The following LSAMP variants were observed in gnomAD, a reference collection of about 807,000 sequenced individuals.
The protein encoded by LSAMP is limbic system-associated membrane protein.
A neutral mutation model predicts 38.6 loss-of-function variants in LSAMP; 7 were observed. The observed-to-expected ratio is 0.18, with a 90% CI of 0.10 to 0.34. The LOEUF (loss-of-function observed/expected upper bound fraction) is 0.34. LSAMP is among the 10% of genes least tolerant of loss of function. The pLI is 1.00. For synonymous variants in LSAMP, 154 were observed against 166.8 expected, an observed-to-expected ratio of 0.92 and a Z score of 0.59; for missense variants, 313 against 420.0, an observed-to-expected ratio of 0.75 and a Z score of 2.23.
intron 1 of LSAMP, among the ~76,000 whole-genome samples, chr3:116,210,685 A>G (rs1319187081): frequency 6.6e-6 from 1 of 152,214 alleles, no homozygotes. Context: ...TCATATATAC[A>G]TATATCCTAT....
At chr3:116,217,240 T>A (rs1165019790) in intron 1 of LSAMP, among the ~76,000 whole-genome samples, 2 of 152,138 alleles carry the variant, frequency 1.3e-5, no homozygotes, top group Non-Finnish European at 2.9e-5. Context: ...TTATGGCGTT[T>A]TCATCACCAA....
chr3:115,812,321 C>T (rs1277074363), intron 6 of LSAMP, among the ~76,000 whole-genome samples: 1 of 152,066 alleles, frequency 6.6e-6, no homozygotes, highest in African/African-American at 2.4e-5. Flanking sequence ...ACAAAAGGCA[C>T]CTTAGCTACC....
chr3:115,928,366 G>T (rs1450785157), intron 3 of LSAMP, among the ~76,000 whole-genome samples: 5 of 152,160 alleles, frequency 3.3e-5, no homozygotes, highest in Non-Finnish European at 7.3e-5. Flanking sequence ...GGCGGCAAAA[G>T]TAAAAGAAGA....
intron 1 of LSAMP, among the ~76,000 whole-genome samples, chr3:116,423,224 A>G (rs1309564016): frequency 6.6e-6 from 1 of 152,154 alleles, no homozygotes; most frequent in East Asian, 1.9e-4. Flanking sequence ...TAAGAGGGGA[A>G]AAAAAACTTG....
At chr3:116,237,253 C>T (rs1026025796) in intron 1 of LSAMP, among the ~76,000 whole-genome samples, 1 of 152,024 alleles carries the variant, frequency 6.6e-6, no homozygotes, top group South Asian at 2.1e-4. Flanking sequence ...ACATGTAAAC[C>T]CTATAAGTAC....
chr3:116,208,597 A>G (rs1006922186), intron 1 of LSAMP, among the ~76,000 whole-genome samples: 46 of 152,110 alleles, frequency 3.0e-4, no homozygotes, highest in Non-Finnish European at 4.6e-4. Context: ...TGTCCTTTCT[A>G]TTTGTTAGTT....
At chr3:116,060,763 A>G (rs925964810) in intron 2 of LSAMP, among the ~76,000 whole-genome samples, 1 of 152,174 alleles carries the variant, frequency 6.6e-6, no homozygotes, top group Non-Finnish European at 1.5e-5. Flanking sequence ...TCCATCTCAA[A>G]AAACAAACAA....
chr3:116,318,335 G>A lies in LSAMP; in HGVS notation c.155+126542C>T, dbSNP rs193146182. Among the ~76,000 whole-genome samples the A allele has an allele frequency of 7.4e-4, 112 of 152,252 alleles. 1 individual carries two copies. The highest frequency in any genetic ancestry group is 3.4e-3 in the Middle Eastern group (1 of 294). ...AAGATTTCACAGTAAGTCACAGAGA[G>A]ATGTAGCAGCTAGTGTGCTCCAGTT... On this transcript the variant is annotated intron_variant, in intron 1 of 6. Transcript: ENST00000490035.
At chr3:115,910,066 A>G (rs1937100989) in intron 3 of LSAMP, among the ~76,000 whole-genome samples, 2 of 152,106 alleles carry the variant, frequency 1.3e-5, no homozygotes, top group Non-Finnish European at 2.9e-5. Context: ...TTCTCATTTG[A>G]TCATTATATT....
In LSAMP at chr3:116,415,343, G is replaced by C. The variant is rs114230990; in HGVS notation, c.155+29534C>G. 4.4e-3 allele frequency among the ~76,000 whole-genome samples: 667 copies of C among 152,192 alleles called. 5 individuals are homozygous for C. The highest frequency in any genetic ancestry group is 0.015 in the African/African-American group (632 of 41,520). ...AAAATGGTTGCCGGACAAGGTAAAG[G>C]TAAGTATTTCAGGCTTCACAACATT... is the stretch of plus-strand genomic sequence containing the variant. On this transcript the variant is annotated intron_variant, in intron 1 of 6. Transcript: ENST00000490035.
intron 1 of LSAMP, among the ~76,000 whole-genome samples, chr3:116,116,071 C>T (rs1375790586): frequency 1.3e-5 from 2 of 149,446 alleles, no homozygotes; most frequent in Admixed American, 6.7e-5. Flanking sequence ...GATGGTAGAC[C>T]TCCTGGACTG....
intron 3 of LSAMP, among the ~76,000 whole-genome samples, chr3:115,998,378 G>T (rs1402843831): frequency 4.6e-5 from 7 of 152,046 alleles, no homozygotes; most frequent in Non-Finnish European, 1.0e-4. Context: ...TATACCAGTG[G>T]GTGGATTGCT....
intron 3 of LSAMP, among the ~76,000 whole-genome samples, chr3:115,890,664 G>A (rs993325778): frequency 6.6e-6 from 1 of 151,542 alleles, no homozygotes; most frequent in Non-Finnish European, 1.5e-5. Flanking sequence ...TTTTTCCCAG[G>A]AAACAAAACA....
chr3:115,831,589 A>G (rs545063803), intron 6 of LSAMP, among the ~76,000 whole-genome samples: 1 of 152,310 alleles, frequency 6.6e-6, no homozygotes, highest in South Asian at 2.1e-4. Flanking sequence ...CTCAGTACCC[A>G]GAAACCTCAG....
intron 1 of LSAMP, among the ~76,000 whole-genome samples, chr3:116,310,976 A>G (rs2047551116): frequency 6.6e-6 from 1 of 150,998 alleles, no homozygotes; most frequent in African/African-American, 2.4e-5. Flanking sequence ...TTACCAGACT[A>G]GGTTACCTGA....
intron 1 of LSAMP, among the ~76,000 whole-genome samples, chr3:116,112,654 G>C (rs969855492): frequency 6.6e-6 from 1 of 152,268 alleles, no homozygotes; most frequent in African/African-American, 2.4e-5. Flanking sequence ...ATTGGAAAGA[G>C]TGGATCTGGT....
chr3:116,004,425 T>G (rs1300603861), intron 3 of LSAMP, among the ~76,000 whole-genome samples: 1 of 151,306 alleles, frequency 6.6e-6, no homozygotes, highest in African/African-American at 2.4e-5. Flanking sequence ...TATATACACA[T>G]ATACATATAT....
At position 116,074,844 on chromosome 3, in the gene LSAMP, C is replaced by CTTTTTTTTTT. The variant is rs1161460100; in HGVS notation, c.388+11470_388+11479dup. ...AAAGTTTAGTCATATTTTCTTTATT[C>CTTTTTTTTTT]TTTTTTTTTTTTTTTTTGAGATGAG... On this transcript the variant is annotated intron_variant, in intron 2 of 6. Transcript: ENST00000490035. 7.0e-3 allele frequency among the ~76,000 whole-genome samples: 893 copies of CTTTTTTTTTT among 128,206 alleles called. 43 individuals carry two copies. Among genetic ancestry groups the CTTTTTTTTTT allele is most frequent in the African/African-American group, 0.027 (858 of 32,194 alleles). The allele number at this position is 128,206 out of a possible 152,430, so 84.1% of individuals were successfully genotyped here.
intron 1 of LSAMP, among the ~76,000 whole-genome samples, chr3:116,432,400 A>C (rs1276615783): frequency 6.6e-6 from 1 of 151,836 alleles, no homozygotes; most frequent in Non-Finnish European, 1.5e-5. Context: ...TAGATTAAAT[A>C]TATTCATGAT....
Sources: allele counts gnomAD v4.1 joint callset (sites outside exome capture counted in the v4.1 genomes callset), GRCh38; gene constraint gnomAD v4.1.1; transcripts MANE v1.5; gene names NCBI Gene and HGNC (gene_info 2026-07-23, HGNC 2026-07-21).